The following PLPP1 variants were observed in gnomAD, a reference collection of about 807,000 sequenced individuals.
PLPP1 encodes the protein lipid phosphate phosphohydrolase 1a.
In PLPP1, 24 loss-of-function variants were observed where a neutral mutation model predicts 31.2. The ratio of observed to expected loss-of-function variants is 0.77; its 90% CI spans 0.56 to 1.08. The LOEUF is 1.08. PLPP1 is among the 50% of genes least tolerant of loss of function. The pLI is 0.00. For synonymous variants in PLPP1, 146 were observed against 126.3 expected (o/e 1.16, Z -1.05); for missense variants, 319 against 342.7 (o/e 0.93, Z 0.55).
chr5:55,497,858 A>G (rs980477224), intron 1 of PLPP1, among the ~76,000 whole-genome samples: 6 of 152,148 alleles, frequency 3.9e-5, no homozygotes, highest in African/African-American at 1.4e-4. Flanking sequence ...CCAACATGAC[A>G]TGATCTTGCA....
At chr5:55,477,979 T>TA (rs34723510) in intron 1 of PLPP1, among the ~76,000 whole-genome samples, 17,684 of 140,148 alleles carry the variant, frequency 0.13, 1,088 homozygotes, top group Middle Eastern at 0.16. Context: ...CACTCTGTCT[T>TA]AAAAAAAAAA....
chr5:55,425,448 T>G, intron 5 of PLPP1, 114 bp from the exon 6 acceptor site: 9 of 995,162 alleles, frequency 9.0e-6, no homozygotes, highest in Non-Finnish European at 1.3e-5. Context: ...CTTTGAGGTG[T>G]ACAGATTAAG....
intron 1 of PLPP1, among the ~76,000 whole-genome samples, chr5:55,506,048 C>T (rs1046673075): frequency 6.6e-6 from 1 of 152,090 alleles, no homozygotes; most frequent in Non-Finnish European, 1.5e-5. Flanking sequence ...CAGAGCAAGA[C>T]TCTGTCTCAA....
At chr5:55,520,962 A>C (rs1332022651) in intron 1 of PLPP1, among the ~76,000 whole-genome samples, 1 of 152,248 alleles carries the variant, frequency 6.6e-6, no homozygotes, top group Non-Finnish European at 1.5e-5. Context: ...CTGTAATCCC[A>C]GCACTTTAGG....
chr5:55,441,372 C>CTGG (rs1435035509), intron 4 of PLPP1, among the ~76,000 whole-genome samples: 4 of 152,226 alleles, frequency 2.6e-5, no homozygotes, highest in Non-Finnish European at 5.9e-5. Flanking sequence ...TGAAACCTTT[C>CTGG]TGGTCCCTTG....
chr5:55,511,584 A>T (rs1258273954), intron 1 of PLPP1, among the ~76,000 whole-genome samples: 1 of 151,430 alleles, frequency 6.6e-6, no homozygotes, highest in East Asian at 1.9e-4. Flanking sequence ...GATGGTGAGA[A>T]TATTACTAAT....
intron 1 of PLPP1, among the ~76,000 whole-genome samples, chr5:55,504,692 A>G (rs548040495): frequency 1.3e-5 from 2 of 152,246 alleles, no homozygotes; most frequent in East Asian, 1.9e-4. Context: ...AATATAATCT[A>G]AAATAATTAG....
At chr5:55,459,133 G>C (rs954993206) in intron 3 of PLPP1, among the ~76,000 whole-genome samples, 2 of 150,766 alleles carry the variant, frequency 1.3e-5, no homozygotes, top group Non-Finnish European at 2.9e-5. Flanking sequence ...AAGAGAATTA[G>C]AGTGACTATA....
chr5:55,425,397 G>A (rs559474667), intron 5 of PLPP1, 63 bp from the exon 6 acceptor site: 2 of 1,398,940 alleles, frequency 1.4e-6, no homozygotes, highest in Non-Finnish European at 2.0e-6. Flanking sequence ...ACAAAGTTGT[G>A]ATCAACAGCA....
intron 1 of PLPP1, among the ~76,000 whole-genome samples, chr5:55,532,774 C>T (rs1437529267): frequency 6.6e-6 from 1 of 151,756 alleles, no homozygotes; most frequent in Admixed American, 6.6e-5. Context: ...CTGGCCAAGA[C>T]GGTGAAACCC....
intron 5 of PLPP1, 73 bp from the exon 6 acceptor site, chr5:55,425,407 A>C: frequency 3.0e-6 from 4 of 1,339,196 alleles, no homozygotes; most frequent in Non-Finnish European, 4.1e-6. Context: ...GATCAACAGC[A>C]TCCTAAGATA....
At chr5:55,479,939 T>C (rs921168491) in intron 1 of PLPP1, among the ~76,000 whole-genome samples, 2 of 152,196 alleles carry the variant, frequency 1.3e-5, no homozygotes, top group African/African-American at 2.4e-5. Context: ...CCTTAAGATA[T>C]ATATGTATGT....
At chr5:55,439,604 G>A (rs1751574085) in intron 4 of PLPP1, among the ~76,000 whole-genome samples, 1 of 152,114 alleles carries the variant, frequency 6.6e-6, no homozygotes, top group African/African-American at 2.4e-5. Context: ...TTCCCGAGTT[G>A]ATATCCTTCA....
rs181975178 is a variant in PLPP1, at chr5:55,425,069, T to C, written c.*137A>G. ...TAAAGGTAACTATGTACACACAAAG[T>C]GTGCATCCAAGAGGCATAGCAGCAG... On this transcript the variant is annotated 3_prime_UTR_variant, in exon 6 of 6. Transcript: ENST00000307259. The C allele has an allele frequency of 3.4e-5, 39 of 1,154,522 alleles. No individual in the cohort carries two copies. The African/African-American group carries it at 5.1e-4, about 15-fold the overall frequency. 71.5% of individuals were successfully genotyped at this position (1,154,522 alleles called of 1,614,324 possible).
intron 3 of PLPP1, among the ~76,000 whole-genome samples, chr5:55,462,459 A>G (rs1161767555): frequency 6.6e-6 from 1 of 152,200 alleles, no homozygotes; most frequent in Non-Finnish European, 1.5e-5. Flanking sequence ...GTAGATATTG[A>G]CCCTTTTTGT....
In PLPP1 at chr5:55,534,739, G is replaced by GC. The variant is rs543918421; in HGVS notation, c.-111dup. ...GGGCTGGCGACGGCCCCGAGCTACGGCCCCTCCCAGCCGGAGGAGGAGAGC... is the reference window on the plus strand; with the variant it reads ...GGGCTGGCGACGGCCCCGAGCTACGGCCCCCTCCCAGCCGGAGGAGGAGAGC... On this transcript the variant is annotated 5_prime_UTR_variant, in exon 1 of 6. Transcript: ENST00000307259. The GC allele has an allele frequency of 8.6e-3, 9,902 of 1,155,832 alleles. 73 individuals are homozygous for GC. Among genetic ancestry groups the GC allele is most frequent in the Admixed American group, 0.037 (1,336 of 35,728 alleles). 71.6% of individuals were successfully genotyped at this position (1,155,832 alleles called of 1,614,324 possible). A position where few individuals can be genotyped will look rare whatever the true frequency, so the allele number is the denominator to read the frequency against.
intron 1 of PLPP1, among the ~76,000 whole-genome samples, chr5:55,508,362 A>G (rs549615657): frequency 1.1e-4 from 16 of 152,362 alleles, no homozygotes; most frequent in African/African-American, 3.6e-4. Flanking sequence ...GTCTGGCACC[A>G]TATTGAATAT....
Position 55,508,448 on chromosome 5 carries a change from T to C in PLPP1, c.58+26124A>G, listed in dbSNP as rs373406191. The stretch of plus-strand genomic sequence containing the variant: ...CAGACATTTCTGTTTTGTTCACCAA[T>C]ATATCCCAAGTACTTAAGTCATTGC... On this transcript the variant is annotated intron_variant, in intron 1 of 5. Transcript: ENST00000307259. Among the ~76,000 whole-genome samples, 6 of 152,198 alleles carry C rather than the reference T, an allele frequency of 3.9e-5. No homozygotes were observed. In the East Asian group the frequency reaches 7.7e-4, roughly 20 times the overall value.
chr5:55,508,590 A>C (rs1396039799), intron 1 of PLPP1, among the ~76,000 whole-genome samples: 3 of 152,232 alleles, frequency 2.0e-5, no homozygotes, highest in East Asian at 3.8e-4. Context: ...CAAGTAACTT[A>C]ATTAAAATCA....
Sources: gnomAD v4.1 joint callset for allele counts (sites outside exome capture counted in the v4.1 genomes callset) on GRCh38, gnomAD v4.1.1 for gene constraint, MANE v1.5 for transcripts, NCBI Gene and HGNC (gene_info 2026-07-23, HGNC 2026-07-21) for gene names.